The following TINAG variants were observed in gnomAD, a reference collection of about 807,000 sequenced individuals.
TINAG encodes tubulointerstitial nephritis antigen.
Under a neutral mutation model 72.7 loss-of-function variants are expected in TINAG, and 83 were observed. The observed-to-expected ratio is 1.14, with a 90% CI of 0.96 to 1.37. The LOEUF (loss-of-function observed/expected upper bound fraction) is 1.37. TINAG is among the 40% of genes most tolerant of loss of function. The pLI is 0.00. For missense variants in TINAG, 685 were observed against 576.6 expected (o/e 1.19, Z -1.93); for synonymous variants, 234 against 189.9 (o/e 1.23, Z -1.91).
At chr6:54,332,348 A>C (rs966645534) in intron 4 of TINAG, among the ~76,000 whole-genome samples, 1 of 152,212 alleles carries the variant, frequency 6.6e-6, no homozygotes, top group African/African-American at 2.4e-5. Flanking sequence ...GACAAACCTG[A>C]CAAAAACAAA....
chr6:54,359,727 T>C (rs929957661), intron 9 of TINAG, among the ~76,000 whole-genome samples: 2 of 151,854 alleles, frequency 1.3e-5, no homozygotes, highest in Non-Finnish European at 2.9e-5. Flanking sequence ...ATATATACTT[T>C]TTTAATTTTA....
At chr6:54,385,879 A>ATTTTTTTT (rs557831982) in intron 10 of TINAG, among the ~76,000 whole-genome samples, 8 of 80,756 alleles carry the variant, frequency 9.9e-5, no homozygotes, top group East Asian at 3.9e-4. Flanking sequence ...AAAAAACATG[A>ATTTTTTTT]TTTTTTTTTT....
chr6:54,341,850 C>T (rs183450033), intron 4 of TINAG, among the ~76,000 whole-genome samples: 16 of 152,122 alleles, frequency 1.1e-4, no homozygotes, highest in Admixed American at 3.9e-4. Flanking sequence ...ATTTAGAAGC[C>T]TGAGTGTAGT....
rs755350960 is a variant in TINAG, at chr6:54,354,608, C to T, written c.1222C>T (p.Leu408Phe). The change falls in exon 9 of 11, where the codon CTT (leucine) becomes TTT (phenylalanine). Residue 408 changes from leucine to phenylalanine, a missense_variant. Leu to Phe is a conservative substitution (Grantham distance 22). Transcript: ENST00000259782. ...TAAAGAATCAGAAAAATATCGAAAG[C>T]TTCAGACACATGCAGTCAAACTCAC... ...TNKESEKYRK[L>F]QTHAVKLTGW... 2.2e-5 allele frequency: 35 copies of T among 1,610,594 alleles called. No homozygotes were observed. Among genetic ancestry groups the T allele is most frequent in the Admixed American group, 5.0e-5 (3 of 59,618 alleles).
intron 6 of TINAG, among the ~76,000 whole-genome samples, chr6:54,348,889 T>G (rs1210141701): frequency 6.6e-6 from 1 of 152,174 alleles, no homozygotes; most frequent in Non-Finnish European, 1.5e-5. Context: ...CATACTGTGT[T>G]GGAAACACAT....
chr6:54,369,156 T>A (rs1477237025), intron 9 of TINAG, among the ~76,000 whole-genome samples: 3 of 151,930 alleles, frequency 2.0e-5, no homozygotes, highest in African/African-American at 7.2e-5. Context: ...GCTGTAAGGC[T>A]GGTGTTTGAA....
chr6:54,388,265 C>T (rs148888432), intron 10 of TINAG, among the ~76,000 whole-genome samples: 20 of 152,282 alleles, frequency 1.3e-4, no homozygotes, highest in Non-Finnish European at 2.8e-4. Context: ...AGAACTCTCA[C>T]ACACATTGAC....
At position 54,308,677 on chromosome 6, in the gene TINAG, C is replaced by T. The variant is rs1384577062; in HGVS notation, c.127C>T (p.Gln43Ter). Residue 43 changes from glutamine (Q) to a stop codon, truncating the protein, a stop_gained, in exon 1 of 11, where the codon CAA becomes TAA. Transcript: ENST00000259782. LOFTEE classifies it high-confidence loss of function. ...TTTCACTAGGAATCACACCGTTTTG[C>T]AAGGTACTCGATTCAAAAGAGCCAT... ...AYFTRNHTVLQGTRFKRAIFQ... is the reference protein window; with the variant it reads ...AYFTRNHTVL 6.2e-7 allele frequency: 1 copy of T among 1,613,790 alleles called. No homozygotes were observed. Among genetic ancestry groups the T allele is most frequent in the South Asian group, 1.1e-5 (1 of 91,082 alleles).
At chr6:54,316,881 A>T (rs1425744274) in intron 1 of TINAG, among the ~76,000 whole-genome samples, 2 of 152,218 alleles carry the variant, frequency 1.3e-5, no homozygotes, top group Non-Finnish European at 2.9e-5. Context: ...ATTCGAGAAG[A>T]TAAACTATTT....
Position 54,366,603 on chromosome 6 carries a change from G to GGA in TINAG, c.1250+11986_1250+11987dup, listed in dbSNP as rs112104486. Among the ~76,000 whole-genome samples, 121 of 147,622 alleles carry GGA rather than the reference G, an allele frequency of 8.2e-4. 1 individual carries two copies. The highest frequency in any genetic ancestry group is 6.4e-4 in the South Asian group (3 of 4,660). ...AGATAGAGAAGAGGGAGGGAGGGAG[G>GGA]GAGAGAGAGAGAGAGAGAGAAGAAA... On this transcript the variant is annotated intron_variant, in intron 9 of 10. Coordinates refer to ENST00000259782, the MANE Select transcript of TINAG (RefSeq NM_014464.4).
intron 4 of TINAG, among the ~76,000 whole-genome samples, chr6:54,332,682 A>G (rs575997151): frequency 6.6e-6 from 1 of 152,218 alleles, no homozygotes; most frequent in East Asian, 1.9e-4. Context: ...TGAACAGGCA[A>G]CCTACAGAAT....
intron 3 of TINAG, among the ~76,000 whole-genome samples, chr6:54,322,681 T>G (rs185416119): frequency 6.6e-6 from 1 of 152,300 alleles, no homozygotes; most frequent in African/African-American, 2.4e-5. Context: ...ACATAGAAAG[T>G]CACATTTGTT....
intron 1 of TINAG, among the ~76,000 whole-genome samples, chr6:54,312,903 C>T (rs1365246760): frequency 6.6e-6 from 1 of 152,130 alleles, no homozygotes. Context: ...TATTTTCTCT[C>T]TGACCCACTT....
intron 10 of TINAG, among the ~76,000 whole-genome samples, chr6:54,386,400 T>C (rs915911859): frequency 3.1e-4 from 47 of 152,266 alleles, no homozygotes; most frequent in Admixed American, 5.9e-4. Flanking sequence ...CTGAGTTGTG[T>C]TCCTTTCTGG....
At chr6:54,339,505 C>T (rs1784947456) in intron 4 of TINAG, among the ~76,000 whole-genome samples, 1 of 152,110 alleles carries the variant, frequency 6.6e-6, no homozygotes, top group African/African-American at 2.4e-5. Flanking sequence ...CTTTACATTC[C>T]ACAGGGTACA....
chr6:54,354,344 A>G (rs1336066924), intron 8 of TINAG, among the ~76,000 whole-genome samples, 169 bp from the exon 9 acceptor site: 1 of 151,924 alleles, frequency 6.6e-6, no homozygotes, highest in Non-Finnish European at 1.5e-5. Flanking sequence ...ATAAAAAAAT[A>G]TTGCAACTAA....
At chr6:54,355,783 T>A (rs2150963600) in intron 9 of TINAG, among the ~76,000 whole-genome samples, 1 of 151,030 alleles carries the variant, frequency 6.6e-6, no homozygotes, top group African/African-American at 2.4e-5. Context: ...GATAATAACC[T>A]CTGTTGAAAT....
chr6:54,356,643 G>A (rs1206525511), intron 9 of TINAG, among the ~76,000 whole-genome samples: 2 of 151,932 alleles, frequency 1.3e-5, no homozygotes, highest in East Asian at 2.0e-4. Context: ...TTAGTGAAAA[G>A]TTTGACAAAC....
chr6:54,311,564 A>T (rs1293918908), intron 1 of TINAG, among the ~76,000 whole-genome samples: 1 of 152,186 alleles, frequency 6.6e-6, no homozygotes, highest in Non-Finnish European at 1.5e-5. Context: ...TTACTTATAT[A>T]ATCAGTAAAA....
Sources: gnomAD v4.1 joint callset for allele counts (sites outside exome capture counted in the v4.1 genomes callset) on GRCh38, gnomAD v4.1.1 for gene constraint, MANE v1.5 for transcripts, NCBI Gene and HGNC (gene_info 2026-07-23, HGNC 2026-07-21) for gene names.